The following MACROD2 variants were observed in gnomAD, a reference collection of about 807,000 sequenced individuals.
MACROD2 encodes mono-ADP ribosylhydrolase 2.
In MACROD2, 36 loss-of-function variants were observed where a neutral mutation model predicts 70.4. The observed-to-expected ratio is 0.51, with a 90% confidence interval of 0.39 to 0.68. The LOEUF (loss-of-function observed/expected upper bound fraction) is 0.68, where lower values mean the gene tolerates loss of function less well. MACROD2 is among the 30% of genes least tolerant of loss of function. MACROD2 has a pLI of 0.00. For missense variants in MACROD2, 496 were observed against 538.4 expected (o/e 0.92, Z 0.78); for synonymous variants, 172 against 178.8 (o/e 0.96, Z 0.30).
At chr20:14,929,063 T>G (rs887650129) in intron 5 of MACROD2, among the ~76,000 whole-genome samples, 1 of 152,164 alleles carries the variant, frequency 6.6e-6, no homozygotes, top group African/African-American at 2.4e-5. Flanking sequence ...CTTTTTATAT[T>G]TATCAGCAAA....
At chr20:15,741,254 G>T (rs1416107659) in intron 8 of MACROD2, among the ~76,000 whole-genome samples, 1 of 143,026 alleles carries the variant, frequency 7.0e-6, no homozygotes, top group African/African-American at 2.9e-5. Flanking sequence ...ACCACACCCG[G>T]CTAATTTTTT....
At chr20:14,642,348 G>C (rs958536858) in intron 4 of MACROD2, among the ~76,000 whole-genome samples, 1 of 152,098 alleles carries the variant, frequency 6.6e-6, no homozygotes, top group Non-Finnish European at 1.5e-5. Flanking sequence ...CAGCAGTAAA[G>C]GGCTGTTTCA....
At chr20:14,742,754 CTTTAT>C (rs1274443226) in intron 5 of MACROD2, among the ~76,000 whole-genome samples, 2 of 150,298 alleles carry the variant, frequency 1.3e-5, no homozygotes, top group African/African-American at 4.9e-5. Flanking sequence ...GTAATATAAA[CTTTAT>C]TTTATTTTAT....
At position 15,577,704 on chromosome 20, in the gene MACROD2, C is replaced by T. The variant is rs1187516699; in HGVS notation, c.645+77857C>T. Among the ~76,000 whole-genome samples, 5 of 152,252 alleles carry T rather than the reference C, an allele frequency of 3.3e-5. No individual in the cohort carries two copies. In the East Asian group the frequency reaches 9.7e-4, roughly 29 times the overall value. On this transcript the variant is annotated intron_variant, in intron 8 of 17. Coordinates refer to ENST00000684519, the MANE Select transcript of MACROD2 (RefSeq NM_001351661.2). ...CTCTAGATTTCCTGCCATAGATAAA[C>T]ACATGTACTCATATTCATAAATTGG...
chr20:14,268,448 T>C (rs894918565), intron 3 of MACROD2, among the ~76,000 whole-genome samples: 7 of 152,194 alleles, frequency 4.6e-5, no homozygotes, highest in Non-Finnish European at 8.8e-5. Context: ...AGTTGTGTCA[T>C]ATTATGGATT....
chr20:14,716,056 G>T (rs530251637), intron 5 of MACROD2, among the ~76,000 whole-genome samples: 2 of 152,256 alleles, frequency 1.3e-5, no homozygotes, highest in South Asian at 2.1e-4. Flanking sequence ...ACATATTCAT[G>T]CAATTATAAT....
At chr20:15,579,574 G>A (rs893874711) in intron 8 of MACROD2, among the ~76,000 whole-genome samples, 1 of 152,112 alleles carries the variant, frequency 6.6e-6, no homozygotes, top group Non-Finnish European at 1.5e-5. Context: ...ATGTGTTTGT[G>A]GAATTTCCTT....
intron 3 of MACROD2, among the ~76,000 whole-genome samples, chr20:14,280,175 G>A (rs2082295329): frequency 6.6e-6 from 1 of 152,028 alleles, no homozygotes; most frequent in Non-Finnish European, 1.5e-5. Flanking sequence ...AGCCTTCAAG[G>A]ATCTGGTTCA....
chr20:15,561,500 A>G (rs2048243401), intron 8 of MACROD2, among the ~76,000 whole-genome samples: 1 of 152,182 alleles, frequency 6.6e-6, no homozygotes, highest in Non-Finnish European at 1.5e-5. Flanking sequence ...GCTTGGTACT[A>G]CTAGGCTAAA....
At chr20:15,762,607 T>G (rs1366880288) in intron 8 of MACROD2, among the ~76,000 whole-genome samples, 1 of 152,222 alleles carries the variant, frequency 6.6e-6, no homozygotes, top group Non-Finnish European at 1.5e-5. Flanking sequence ...AGCCTCCTTG[T>G]GGCTCTTAGT....
At chr20:15,416,687 G>A (rs182966997) in intron 6 of MACROD2, among the ~76,000 whole-genome samples, 93 of 152,010 alleles carry the variant, frequency 6.1e-4, no homozygotes, top group African/African-American at 1.8e-3. Context: ...GTCGGATCAC[G>A]AGGTCAGGAG....
chr20:15,519,102 CCTTCCTTCCTTCCTTCCTTT>C (rs1358406967), intron 8 of MACROD2, among the ~76,000 whole-genome samples: 41 of 146,066 alleles, frequency 2.8e-4, no homozygotes, highest in South Asian at 1.1e-3. Context: ...TTCCTTCCTT[CCTTCCTTCCTTCCTTCCTTT>C]CTTTCTTTCT....
chr20:14,145,301 G>T (rs1027452679), intron 3 of MACROD2, among the ~76,000 whole-genome samples: 1 of 151,972 alleles, frequency 6.6e-6, no homozygotes, highest in Non-Finnish European at 1.5e-5. Flanking sequence ...TTTTCTCAAA[G>T]AATTTATAAC....
At chr20:14,944,563 A>G (rs2074415139) in intron 5 of MACROD2, among the ~76,000 whole-genome samples, 1 of 152,172 alleles carries the variant, frequency 6.6e-6, no homozygotes, top group South Asian at 2.1e-4. Context: ...AGGAGAAACC[A>G]AGAAGCACAT....
intron 4 of MACROD2, among the ~76,000 whole-genome samples, chr20:14,533,706 C>T (rs1216807231): frequency 6.6e-6 from 1 of 152,148 alleles, no homozygotes; most frequent in African/African-American, 2.4e-5. Context: ...GTTTTAAATT[C>T]TCATATACTA....
intron 8 of MACROD2, among the ~76,000 whole-genome samples, chr20:15,689,555 A>G (rs868569047): frequency 1.3e-5 from 2 of 152,208 alleles, no homozygotes; most frequent in African/African-American, 4.8e-5. Flanking sequence ...ATTTAGCCCT[A>G]TGAAAAATCA....
intron 5 of MACROD2, chr20:14,895,301 A>G (rs960123144): frequency 6.6e-6 from 1 of 152,180 alleles, no homozygotes. Flanking sequence ...ACTGAGCTCT[A>G]TGGCCTGAGT....
At chr20:15,351,906 A>T (rs1298889209) in intron 6 of MACROD2, among the ~76,000 whole-genome samples, 1 of 152,174 alleles carries the variant, frequency 6.6e-6, no homozygotes, top group Non-Finnish European at 1.5e-5. Flanking sequence ...CTCAAATAAC[A>T]TGTGGCTTCA....
chr20:14,046,599 G>T (rs2053478709), intron 2 of MACROD2, among the ~76,000 whole-genome samples: 1 of 152,028 alleles, frequency 6.6e-6, no homozygotes, highest in Non-Finnish European at 1.5e-5. Context: ...ATATAACTGA[G>T]ATCAAATTTT....
Sources: gnomAD v4.1 joint callset for allele counts (sites outside exome capture counted in the v4.1 genomes callset) on GRCh38, gnomAD v4.1.1 for gene constraint, MANE v1.5 for transcripts, NCBI Gene and HGNC (gene_info 2026-07-23, HGNC 2026-07-21) for gene names.